Variants in INPP4B observed in about 807,000 individuals in gnomAD.
The protein encoded by INPP4B is inositol polyphosphate-4-phosphatase type II B.
In INPP4B, 55 loss-of-function variants were observed where a neutral mutation model predicts 122.5. That is an observed-to-expected ratio of 0.45 (90% CI 0.36 to 0.56). The LOEUF is 0.56. Among genes scored for constraint, INPP4B ranks in the 20% least tolerant of loss-of-function variants. The pLI is 0.00. For synonymous variants in INPP4B, 403 were observed against 388.7 expected (o/e 1.04, Z -0.43); for missense variants, 1,000 against 1,097.7 (o/e 0.91, Z 1.26).
chr4:142,808,864 T>C (rs1242553267), intron 1 of INPP4B, among the ~76,000 whole-genome samples: 1 of 152,170 alleles, frequency 6.6e-6, no homozygotes, highest in Non-Finnish European at 1.5e-5. Flanking sequence ...TAGTATGACA[T>C]GGCAGTGCCT....
chr4:142,667,740 A>G (rs901862255), intron 2 of INPP4B, among the ~76,000 whole-genome samples: 1 of 152,098 alleles, frequency 6.6e-6, no homozygotes, highest in Non-Finnish European at 1.5e-5. Flanking sequence ...ATGAAGACAG[A>G]CTCCAGTCTC....
chr4:142,681,843 C>A (rs951222416), intron 2 of INPP4B, among the ~76,000 whole-genome samples: 1 of 151,858 alleles, frequency 6.6e-6, no homozygotes, highest in Non-Finnish European at 1.5e-5. Flanking sequence ...TCCTAATGCT[C>A]CATGTGCATT....
intron 12 of INPP4B, among the ~76,000 whole-genome samples, chr4:142,234,262 T>C (rs921679005): frequency 6.6e-6 from 1 of 152,226 alleles, no homozygotes; most frequent in Non-Finnish European, 1.5e-5. Flanking sequence ...CTTTAGCATT[T>C]AGGAAGAGCG....
intron 9 of INPP4B, among the ~76,000 whole-genome samples, chr4:142,297,419 C>T (rs1038180371): frequency 6.6e-6 from 1 of 152,214 alleles, no homozygotes; most frequent in Non-Finnish European, 1.5e-5. Context: ...GAGGCAGGGC[C>T]TGGTGGGAGG....
chr4:142,662,497 C>T (rs983823122), intron 2 of INPP4B, among the ~76,000 whole-genome samples: 2 of 152,202 alleles, frequency 1.3e-5, no homozygotes, highest in Admixed American at 6.5e-5. Flanking sequence ...GAGGTGGCTG[C>T]ACAATTAGAG....
At chr4:142,816,696 A>T (rs1279098240) in intron 1 of INPP4B, among the ~76,000 whole-genome samples, 2 of 152,120 alleles carry the variant, frequency 1.3e-5, no homozygotes, top group Admixed American at 1.3e-4. Flanking sequence ...ACATACACAC[A>T]CACATATTCA....
intron 15 of INPP4B, among the ~76,000 whole-genome samples, chr4:142,178,000 C>T (rs1419777068): frequency 1.3e-5 from 2 of 152,126 alleles, no homozygotes; most frequent in Non-Finnish European, 1.5e-5. Flanking sequence ...ACATGTTGCA[C>T]TAATGATTTC....
At chr4:142,663,533 A>G (rs1699032928) in intron 2 of INPP4B, among the ~76,000 whole-genome samples, 1 of 152,098 alleles carries the variant, frequency 6.6e-6, no homozygotes, top group Admixed American at 6.5e-5. Context: ...ATTGTAATGT[A>G]AGAAATGCAT....
At chr4:142,187,781 A>C (rs1214473727) in intron 15 of INPP4B, among the ~76,000 whole-genome samples, 2 of 152,076 alleles carry the variant, frequency 1.3e-5, no homozygotes, top group Non-Finnish European at 2.9e-5. Flanking sequence ...TTTTTTGTAG[A>C]GACAGGGTTT....
chr4:142,295,589 T>C (rs866720068), intron 9 of INPP4B, among the ~76,000 whole-genome samples: 1 of 152,172 alleles, frequency 6.6e-6, no homozygotes, highest in African/African-American at 2.4e-5. Context: ...TAATAAGCTG[T>C]TGATAAGTAT....
intron 25 of INPP4B, among the ~76,000 whole-genome samples, chr4:142,036,205 T>C (rs1180769069): frequency 1.3e-5 from 2 of 152,146 alleles, no homozygotes; most frequent in African/African-American, 2.4e-5. Flanking sequence ...GTTAATATTA[T>C]CCTAGCACTA....
intron 2 of INPP4B, among the ~76,000 whole-genome samples, chr4:142,594,995 T>C (rs1489122174): frequency 6.7e-6 from 1 of 149,772 alleles, no homozygotes. Flanking sequence ...AGAGCATGAA[T>C]GCAGTAAACA....
intron 8 of INPP4B, among the ~76,000 whole-genome samples, chr4:142,312,369 T>A (rs751633045): frequency 1.8e-4 from 28 of 152,186 alleles, no homozygotes; most frequent in Middle Eastern, 3.4e-3. Flanking sequence ...CTCTTAATCA[T>A]CCCCCAGGAA....
chr4:142,798,202 T>G (rs377449113), intron 1 of INPP4B, among the ~76,000 whole-genome samples: 5 of 151,594 alleles, frequency 3.3e-5, no homozygotes, highest in Non-Finnish European at 7.4e-5. Context: ...CTAGGAAAAA[T>G]AGAAAACTAT....
At chr4:142,781,453 G>GTAAC (rs1774804516) in intron 1 of INPP4B, among the ~76,000 whole-genome samples, 1 of 152,154 alleles carries the variant, frequency 6.6e-6, no homozygotes, top group Non-Finnish European at 1.5e-5. Flanking sequence ...AGAGAACCAT[G>GTAAC]TAACACCCAG....
At chr4:142,684,303 C>T (rs866701524) in intron 2 of INPP4B, among the ~76,000 whole-genome samples, 3 of 151,942 alleles carry the variant, frequency 2.0e-5, no homozygotes, top group African/African-American at 2.4e-5. Context: ...TACCGAATAG[C>T]GCTCCCAAAA....
intron 15 of INPP4B, among the ~76,000 whole-genome samples, chr4:142,187,151 C>T (rs904171478): frequency 6.6e-5 from 10 of 151,984 alleles, no homozygotes; most frequent in African/African-American, 2.4e-4. Context: ...ATTACCATCT[C>T]CTTCAAAATG....
rs1262141734 is a variant in INPP4B at position 142,550,627 on chromosome 4, T to A, written c.-190-87901A>T. Among the ~76,000 whole-genome samples, 194 of 149,040 alleles carry A rather than the reference T, an allele frequency of 1.3e-3. 1 individual carries two copies. The highest frequency in any genetic ancestry group is 7.2e-3 in the South Asian group (34 of 4,728). ...ACACATATATATATATATATTTTTT[T>A]TTTTACTTTACTGGCAAGAAACTGG... On this transcript the variant is annotated intron_variant, in intron 2 of 25. Coordinates refer to ENST00000262992, the MANE Select transcript of INPP4B (RefSeq NM_001101669.3).
chr4:142,465,892 C>A (rs1388436671), intron 2 of INPP4B, among the ~76,000 whole-genome samples: 5 of 152,192 alleles, frequency 3.3e-5, no homozygotes. Context: ...TTCTCCTTTG[C>A]CTTCCACCAT....
Sources: allele counts gnomAD v4.1 joint callset (sites outside exome capture counted in the v4.1 genomes callset), GRCh38; gene constraint gnomAD v4.1.1; transcripts MANE v1.5; gene names NCBI Gene and HGNC (gene_info 2026-07-23, HGNC 2026-07-21).